TMCC3: variants seen among roughly 807,000 people sequenced by gnomAD.
TMCC3 encodes transmembrane and coiled-coil domain family 3.
Under a neutral mutation model 40.2 loss-of-function variants are expected in TMCC3, and 28 were observed. The observed-to-expected ratio is 0.70, with a 90% CI of 0.52 to 0.95. The LOEUF (loss-of-function observed/expected upper bound fraction) is 0.95, where lower values mean the gene tolerates loss of function less well. TMCC3 is among the 40% of genes least tolerant of loss of function. The pLI is 0.00. For missense variants in TMCC3, 554 were observed against 615.2 expected (o/e 0.90, Z 1.05); for synonymous variants, 255 against 248.5 (o/e 1.03, Z -0.25).
intron 1 of TMCC3, among the ~76,000 whole-genome samples, chr12:94,605,108 C>A (rs940967405): frequency 6.6e-5 from 10 of 152,062 alleles, no homozygotes; most frequent in Admixed American, 4.6e-4. Context: ...TAAAGGGAGG[C>A]GGCACAAGGC....
chr12:94,639,753 T>C (rs1274080570), intron 1 of TMCC3, among the ~76,000 whole-genome samples: 1 of 32,718 alleles, frequency 3.1e-5, no homozygotes, highest in Non-Finnish European at 6.4e-5. Context: ...GAAGCCAAAA[T>C]CAAGAGGTAA....
At chr12:94,593,604 GT>G (rs2068697274) in intron 1 of TMCC3, among the ~76,000 whole-genome samples, 1 of 151,516 alleles carries the variant, frequency 6.6e-6, no homozygotes, top group Non-Finnish European at 1.5e-5. Flanking sequence ...CAAATTAATA[GT>G]GTAAAGGAGA....
chr12:94,575,584 A>C (rs903323966), intron 3 of TMCC3, among the ~76,000 whole-genome samples: 1 of 152,150 alleles, frequency 6.6e-6, no homozygotes, highest in Non-Finnish European at 1.5e-5. Flanking sequence ...TGAAACCAGA[A>C]AACGTCGAAA....
intron 1 of TMCC3, among the ~76,000 whole-genome samples, chr12:94,608,018 CTG>C (rs2068793727): frequency 1.3e-5 from 2 of 152,194 alleles, no homozygotes; most frequent in Non-Finnish European, 1.5e-5. Context: ...ACCACAATCT[CTG>C]TGTCAGAGAA....
intron 1 of TMCC3, among the ~76,000 whole-genome samples, chr12:94,630,925 C>T (rs1355591654): frequency 6.6e-6 from 1 of 152,082 alleles, no homozygotes; most frequent in East Asian, 1.9e-4. Context: ...GACAGGGTTT[C>T]ACCATACTGG....
At chr12:94,597,883 G>A (rs1219520034) in intron 1 of TMCC3, among the ~76,000 whole-genome samples, 1 of 152,038 alleles carries the variant, frequency 6.6e-6, no homozygotes, top group Non-Finnish European at 1.5e-5. Flanking sequence ...GTAGTTTCTT[G>A]TCACTTAGGA....
chr12:94,619,844 A>G (rs2138867300), intron 1 of TMCC3, among the ~76,000 whole-genome samples: 1 of 152,342 alleles, frequency 6.6e-6, no homozygotes, highest in African/African-American at 2.4e-5. Context: ...TTGTGTCAAG[A>G]CTATTTCTGT....
At position 94,578,637 on chromosome 12, in the gene TMCC3, T is replaced by G. The variant is rs1248077079; in HGVS notation, c.996-108A>C. The G allele has an allele frequency of 3.2e-6, 4 of 1,231,390 alleles. No individual in the cohort carries two copies. In the East Asian group the frequency reaches 1.0e-4, roughly 32 times the overall value. 76.3% of individuals were successfully genotyped at this position (1,231,390 alleles called of 1,614,324 possible). On this transcript the variant is annotated intron_variant, in intron 2 of 3. Transcript: ENST00000261226. ...TACCTTTTGGCTTGCTCTCATTCCC[T>G]GATGGGCTGTTTTTCTAAAAGAGTA... is the stretch of plus-strand genomic sequence containing the variant.
intron 1 of TMCC3, among the ~76,000 whole-genome samples, chr12:94,602,601 A>G (rs2068759433): frequency 6.6e-6 from 1 of 152,214 alleles, no homozygotes; most frequent in Non-Finnish European, 1.5e-5. Flanking sequence ...CTTGCTAATT[A>G]GAGATTTCTA....
chr12:94,610,623 T>C (rs1259625848), intron 1 of TMCC3, among the ~76,000 whole-genome samples: 2 of 152,076 alleles, frequency 1.3e-5, no homozygotes. Context: ...TAGACATCCA[T>C]CAATAGAGAA....
rs551373569 is a variant in TMCC3 at position 94,581,882 on chromosome 12, G to A, written c.735C>T (p.Ile245=). The change falls in exon 2 of 4, where the codon ATC becomes ATT. Residue 245 remains isoleucine, a synonymous_variant. Transcript: ENST00000261226. ...SARAYGGSAT[I]VNKPKYGSDD... is the part of the protein sequence containing the mutation. ...CACTGCCATACTTGGGTTTGTTCAC[G>A]ATGGTAGCGCTGCCCCCGTAGGCCC... The A allele has an allele frequency of 6.8e-6, 11 of 1,614,224 alleles. No homozygotes were observed. The highest frequency in any genetic ancestry group is 4.4e-5 in the South Asian group (4 of 91,092).
intron 1 of TMCC3, chr12:94,609,834 T>C (rs2068804781): frequency 6.6e-6 from 1 of 152,186 alleles, no homozygotes; most frequent in Non-Finnish European, 1.5e-5. Flanking sequence ...CTACTGTAGT[T>C]CCAGAAATCA....
intron 1 of TMCC3, among the ~76,000 whole-genome samples, chr12:94,639,668 AACACACACAC>A (rs3073591): frequency 1.5e-4 from 18 of 124,104 alleles, no homozygotes; most frequent in Non-Finnish European, 2.0e-4. Context: ...CATATATGTA[AACACACACAC>A]ACACACACAC....
chr12:94,572,516 G>A (rs2138814322), intron 3 of TMCC3, among the ~76,000 whole-genome samples: 1 of 150,786 alleles, frequency 6.6e-6, no homozygotes, highest in Admixed American at 6.6e-5. Context: ...TTACCATGTT[G>A]GCCAGGCTGG....
chr12:94,581,945 T>C lies in TMCC3; in HGVS notation c.672A>G (p.Lys224=). 1.2e-6 allele frequency: 2 copies of C among 1,614,226 alleles called. No homozygotes were observed. The highest frequency in any genetic ancestry group is 4.5e-5 in the East Asian group (2 of 44,888). ...CTGGCCTAAACTCCTCTAAGGAATT[T>C]TTCAAGTGAGCAATGTTGTCGGCGC... is the stretch of plus-strand genomic sequence containing the variant. ...FGSADNIAHL[K]NSLEEFRPEA... Residue 224 remains lysine, a synonymous_variant, in exon 2 of 4, where the codon AAA becomes AAG. Coordinates refer to ENST00000261226, the MANE Select transcript of TMCC3 (RefSeq NM_020698.4).
At chr12:94,645,839 G>A (rs576661173) in intron 1 of TMCC3, among the ~76,000 whole-genome samples, 10 of 152,224 alleles carry the variant, frequency 6.6e-5, no homozygotes, top group Non-Finnish European at 1.0e-4. Flanking sequence ...TCATGTTGAC[G>A]CTCAAAAAGT....
At position 94,570,966 on chromosome 12, in the gene TMCC3, A is replaced by T; in HGVS notation, c.*469T>A. The T allele has an allele frequency of 1.7e-5, 3 of 172,188 alleles. No individual in the cohort carries two copies. The highest frequency in any genetic ancestry group is 1.5e-4 in the East Asian group (1 of 6,466). 10.7% of individuals were successfully genotyped at this position (172,188 alleles called of 1,614,324 possible). A position where few individuals can be genotyped will look rare whatever the true frequency, so the allele number is the denominator to read the frequency against. On this transcript the variant is annotated 3_prime_UTR_variant, in exon 4 of 4. Transcript: ENST00000261226. ...GAGAAGCAGGGTGGATCACACGGGG[A>T]CCATAGGCCACAGTGTTTAACACTG... is the stretch of plus-strand genomic sequence containing the variant.
At chr12:94,617,321 A>G (rs1322800058) in intron 1 of TMCC3, among the ~76,000 whole-genome samples, 1 of 152,208 alleles carries the variant, frequency 6.6e-6, no homozygotes, top group Admixed American at 6.5e-5. Flanking sequence ...ACAAGCATAG[A>G]CAACCAGACC....
In TMCC3 at chr12:94,601,808, CAAAAAAAAAAAA is replaced by C. The variant is rs61372290; in HGVS notation, c.79-19282_79-19271del. On this transcript the variant is annotated intron_variant, in intron 1 of 3. Coordinates refer to ENST00000261226, the MANE Select transcript of TMCC3 (RefSeq NM_020698.4). ...TGGGTGACAGAGTGAGACCTGGTCTCAAAAAAAAAAAAAAAAAAAAAAAAAAAAGAGAAGAAA... is the reference window on the plus strand; with the variant it reads ...TGGGTGACAGAGTGAGACCTGGTCTCAAAAAAAAAAAAAAAAGAGAAGAAA... Among the ~76,000 whole-genome samples, 54 of 76,702 alleles carry C rather than the reference CAAAAAAAAAAAA, an allele frequency of 7.0e-4. 1 individual carries two copies. The highest frequency in any genetic ancestry group is 1.5e-3 in the South Asian group (3 of 1,986). 50.3% of individuals were successfully genotyped at this position (76,702 alleles called of 152,430 possible).
Sources: gnomAD v4.1 joint callset for allele counts (sites outside exome capture counted in the v4.1 genomes callset) on GRCh38, gnomAD v4.1.1 for gene constraint, MANE v1.5 for transcripts, NCBI Gene and HGNC (gene_info 2026-07-23, HGNC 2026-07-21) for gene names.